KPNA4: variants seen among roughly 807,000 people sequenced by gnomAD.
The protein encoded by KPNA4 is importin subunit alpha-3.
KPNA4 carries 13 observed loss-of-function variants against 71.3 expected under a neutral mutation model. The ratio of observed to expected loss-of-function variants is 0.18; its 90% CI spans 0.12 to 0.29. The LOEUF (loss-of-function observed/expected upper bound fraction) is 0.29. KPNA4 is among the 10% of genes least tolerant of loss of function. KPNA4 has a pLI of 1.00. For synonymous variants in KPNA4, 189 were observed against 195.2 expected (o/e 0.97, Z 0.26); for missense variants, 334 against 603.2 (o/e 0.55, Z 4.67).
At chr3:160,511,799 C>T (rs1721100529) in intron 13 of KPNA4, among the ~76,000 whole-genome samples, 1 of 150,612 alleles carries the variant, frequency 6.6e-6, no homozygotes, top group South Asian at 2.1e-4. Context: ...GGATATATAT[C>T]ATCAATGATG....
chr3:160,501,971 G>A lies in KPNA4; in HGVS notation c.*133C>T. The A allele has an allele frequency of 3.4e-6, 1 of 291,244 alleles. No homozygotes were observed. The allele number at this position is 291,244 out of a possible 1,614,324, so 18.0% of individuals were successfully genotyped here. ...ACATTTTCTTTCCCGATTTAATGCA[G>A]CAGCAGATCCCATGAGCCAAGCTTG... On this transcript the variant is annotated 3_prime_UTR_variant, in exon 17 of 17. Coordinates refer to ENST00000334256, the MANE Select transcript of KPNA4 (RefSeq NM_002268.5).
In KPNA4 at chr3:160,531,453, T is replaced by G. The variant is rs955505478; in HGVS notation, c.383+9A>C. 5 of 1,352,304 alleles carry G rather than the reference T, an allele frequency of 3.7e-6. No individual in the cohort carries two copies. The highest frequency in any genetic ancestry group is 5.0e-6 in the Non-Finnish European group (5 of 990,922). 83.8% of individuals were successfully genotyped at this position (1,352,304 alleles called of 1,614,324 possible). ...AAATTAAAAAAAAAAAAATAAATAA[T>G]GTACTCACTTGTCATCTCTTTCAAG... On this transcript the variant is annotated intron_variant, in intron 6 of 16. Transcript: ENST00000334256.
At chr3:160,538,069 T>C (rs960419279) in intron 1 of KPNA4, among the ~76,000 whole-genome samples, 1 of 151,640 alleles carries the variant, frequency 6.6e-6, no homozygotes, top group Non-Finnish European at 1.5e-5. Flanking sequence ...CAATGGATAC[T>C]TTCTCAGATA....
intron 15 of KPNA4, among the ~76,000 whole-genome samples, 166 bp downstream of exon 15, chr3:160,507,941 A>G (rs1721019491): frequency 6.6e-6 from 1 of 152,250 alleles, no homozygotes; most frequent in Admixed American, 6.5e-5. Flanking sequence ...ACCTAAGCAT[A>G]TGCAAGAGGC....
intron 1 of KPNA4, among the ~76,000 whole-genome samples, chr3:160,563,473 C>A (rs917976150): frequency 1.3e-5 from 2 of 152,120 alleles, no homozygotes; most frequent in East Asian, 1.9e-4. Context: ...TGCAAAACTG[C>A]GAATACACTA....
chr3:160,498,301 T>C lies in KPNA4; in HGVS notation c.*3803A>G, dbSNP rs1476932482. The C allele has an allele frequency of 6.6e-6, 1 of 152,246 alleles. No individual in the cohort carries two copies. Among genetic ancestry groups the C allele is most frequent in the Non-Finnish European group, 1.5e-5 (1 of 68,034 alleles). The allele number at this position is 152,246 out of a possible 1,614,324, so 9.4% of individuals were successfully genotyped here. ...TGATCCCCAAATAAGCTTGCTATGA[T>C]AACTATATAAGGCTATCACTTGTAA... On this transcript the variant is annotated 3_prime_UTR_variant, in exon 17 of 17. Coordinates refer to ENST00000334256, the MANE Select transcript of KPNA4 (RefSeq NM_002268.5).
intron 5 of KPNA4, among the ~76,000 whole-genome samples, chr3:160,535,225 T>C (rs964824650): frequency 1.8e-4 from 28 of 152,350 alleles, no homozygotes; most frequent in East Asian, 1.3e-3. Context: ...TCTTACTCTA[T>C]GGCATTAATT....
At position 160,497,660 on chromosome 3, in the gene KPNA4, A is replaced by T. The variant is rs1004865114; in HGVS notation, c.*4444T>A. The T allele has an allele frequency of 2.2e-4, 33 of 152,182 alleles. No homozygotes were observed. Among genetic ancestry groups the T allele is most frequent in the African/African-American group, 8.0e-4 (33 of 41,446 alleles). 9.4% of individuals were successfully genotyped at this position (152,182 alleles called of 1,614,324 possible). ...AAATTTTTTCCTCCCATAATATTAAATTATTGGCTGACAGTTAATGAATTT... is the reference window on the plus strand; with the variant it reads ...AAATTTTTTCCTCCCATAATATTAATTTATTGGCTGACAGTTAATGAATTT... On this transcript the variant is annotated 3_prime_UTR_variant, in exon 17 of 17. Coordinates refer to ENST00000334256, the MANE Select transcript of KPNA4 (RefSeq NM_002268.5).
At chr3:160,511,470 T>C (rs1049027092) in intron 13 of KPNA4, among the ~76,000 whole-genome samples, 8 of 152,128 alleles carry the variant, frequency 5.3e-5, no homozygotes, top group East Asian at 1.9e-4. Context: ...CATTAATAGA[T>C]TGACTTCATA....
At chr3:160,509,321 TGTTC>T (rs1721047556) in intron 14 of KPNA4, among the ~76,000 whole-genome samples, 1 of 152,196 alleles carries the variant, frequency 6.6e-6, no homozygotes, top group Non-Finnish European at 1.5e-5. Flanking sequence ...TTGTTGTTGT[TGTTC>T]ATTTGTTAGG....
intron 11 of KPNA4, among the ~76,000 whole-genome samples, chr3:160,519,801 CAAAAAAA>C (rs558355699): frequency 1.4e-4 from 12 of 83,692 alleles, no homozygotes; most frequent in Admixed American, 8.3e-4. Flanking sequence ...GACTCCGTCT[CAAAAAAA>C]AAAAAAAAAA....
At chr3:160,513,851 A>T (rs752501809) in intron 13 of KPNA4, among the ~76,000 whole-genome samples, 1 of 152,188 alleles carries the variant, frequency 6.6e-6, no homozygotes, top group Non-Finnish European at 1.5e-5. Flanking sequence ...TTTTGGTAAA[A>T]GAATGATACA....
At chr3:160,510,149 AAAT>A (rs1426120216) in intron 13 of KPNA4, among the ~76,000 whole-genome samples, 1 of 152,194 alleles carries the variant, frequency 6.6e-6, no homozygotes, top group African/African-American at 2.4e-5. Context: ...AATGAAATAA[AAAT>A]AGTAAAGAAA....
intron 1 of KPNA4, among the ~76,000 whole-genome samples, chr3:160,537,612 A>G (rs1383546728): frequency 3.4e-5 from 5 of 149,038 alleles, no homozygotes; most frequent in African/African-American, 5.0e-5. Flanking sequence ...TGTATTACGT[A>G]GCGGTAACAA....
rs1351712252 is a variant in KPNA4, at chr3:160,495,565, CAT to C, written c.*6537_*6538del. ...AGCTTGTCTATATGAGTTCTATAAA[CAT>C]ATGTAATTTTACCTTAACTAAAAGG... On this transcript the variant is annotated 3_prime_UTR_variant, in exon 17 of 17. Coordinates refer to ENST00000334256, the MANE Select transcript of KPNA4 (RefSeq NM_002268.5). The C allele has an allele frequency of 6.6e-6, 1 of 151,840 alleles. No homozygotes were observed. Among genetic ancestry groups the C allele is most frequent in the African/African-American group, 2.4e-5 (1 of 41,296 alleles). 9.4% of individuals were successfully genotyped at this position (151,840 alleles called of 1,614,324 possible). A position where few individuals can be genotyped will look rare whatever the true frequency, so the allele number is the denominator to read the frequency against.
rs1296737206 is a variant in KPNA4 at position 160,497,599 on chromosome 3, T to C, written c.*4505A>G. 1 of 152,220 alleles carries C rather than the reference T, an allele frequency of 6.6e-6. No individual in the cohort carries two copies. The highest frequency in any genetic ancestry group is 1.5e-5 in the Non-Finnish European group (1 of 68,040). 9.4% of individuals were successfully genotyped at this position (152,220 alleles called of 1,614,324 possible). A position where few individuals can be genotyped will look rare whatever the true frequency, so the allele number is the denominator to read the frequency against. Reference sequence around the variant, plus strand: ...GTCAAGTTTGTTAGGCATCAGTTTGTTAGTGTTTGGGAGTATTGCCTCAGA... The same window carrying C: ...GTCAAGTTTGTTAGGCATCAGTTTGCTAGTGTTTGGGAGTATTGCCTCAGA... On this transcript the variant is annotated 3_prime_UTR_variant, in exon 17 of 17. Coordinates refer to ENST00000334256, the MANE Select transcript of KPNA4 (RefSeq NM_002268.5).
chr3:160,536,718 T>C (rs1560051907), intron 2 of KPNA4, 78 bp downstream of exon 2: 2 of 721,122 alleles, frequency 2.8e-6, no homozygotes, highest in South Asian at 2.8e-5. Flanking sequence ...AAACATAATA[T>C]ATATTTGGCA....
In KPNA4 at chr3:160,502,020, A is replaced by G. The variant is rs1720892671; in HGVS notation, c.*84T>C. On this transcript the variant is annotated 3_prime_UTR_variant, in exon 17 of 17. Transcript: ENST00000334256. ...TGATGGATCAAACCTTTTTATATAT[A>G]TGTATATATATATATATATACACAC... 1 of 371,082 alleles carries G rather than the reference A, an allele frequency of 2.7e-6. No homozygotes were observed. Among genetic ancestry groups the G allele is most frequent in the Middle Eastern group, 9.3e-4 (1 of 1,076 alleles). The allele number at this position is 371,082 out of a possible 1,614,324, so 23.0% of individuals were successfully genotyped here. A position where few individuals can be genotyped will look rare whatever the true frequency, so the allele number is the denominator to read the frequency against.
Position 160,530,835 on chromosome 3 carries a change from T to C in KPNA4, c.469+20A>G. On this transcript the variant is annotated intron_variant, in intron 7 of 16. Transcript: ENST00000334256. ...TCTTTTAAAAAAAATCACAATTATGTTTATTAATAACCAACTTACTGGACT... is the reference window on the plus strand; with the variant it reads ...TCTTTTAAAAAAAATCACAATTATGCTTATTAATAACCAACTTACTGGACT... 1 of 1,545,862 alleles carries C rather than the reference T, an allele frequency of 6.5e-7. No individual in the cohort carries two copies. Among genetic ancestry groups the C allele is most frequent in the Non-Finnish European group, 8.9e-7 (1 of 1,129,172 alleles).
Sources: gnomAD v4.1 joint callset for allele counts (sites outside exome capture counted in the v4.1 genomes callset) on GRCh38, gnomAD v4.1.1 for gene constraint, MANE v1.5 for transcripts, NCBI Gene and HGNC (gene_info 2026-07-23, HGNC 2026-07-21) for gene names.